The following SYT17 variants were observed in gnomAD, a reference collection of about 807,000 sequenced individuals.
SYT17 encodes the protein synaptotagmin-17.
SYT17 carries 22 observed loss-of-function variants against 46.7 expected under a neutral mutation model. The ratio of observed to expected loss-of-function variants is 0.47; its 90% CI spans 0.34 to 0.67. The LOEUF is 0.67. SYT17 is among the 30% of genes least tolerant of loss of function. SYT17 has a pLI of 0.01. For missense variants in SYT17, 519 were observed against 612.8 expected, an observed-to-expected ratio of 0.85 and a Z score of 1.62; for synonymous variants, 251 against 248.4, an observed-to-expected ratio of 1.01 and a Z score of -0.10.
chr16:19,232,626 T>C (rs1966742795), intron 7 of SYT17, among the ~76,000 whole-genome samples: 1 of 151,516 alleles, frequency 6.6e-6, no homozygotes, highest in South Asian at 2.1e-4. Flanking sequence ...AGTCCAGGAG[T>C]TTGAGACCAG....
chr16:19,218,597 A>C (rs1220487484), intron 5 of SYT17, among the ~76,000 whole-genome samples: 3 of 152,202 alleles, frequency 2.0e-5, no homozygotes, highest in Non-Finnish European at 2.9e-5. Context: ...AGGTTCGATC[A>C]ATGGCCCCAG....
intron 7 of SYT17, among the ~76,000 whole-genome samples, chr16:19,260,590 G>A (rs1420788457): frequency 1.3e-5 from 2 of 151,322 alleles, no homozygotes; most frequent in Non-Finnish European, 2.9e-5. Flanking sequence ...GTTAATGTTG[G>A]CATGTCTGAC....
At chr16:19,257,862 G>A (rs928318377) in intron 7 of SYT17, among the ~76,000 whole-genome samples, 2 of 152,160 alleles carry the variant, frequency 1.3e-5, no homozygotes, top group African/African-American at 4.8e-5. Context: ...GGAGCAGTGA[G>A]AGCCTAGGGC....
At chr16:19,171,561 G>A (rs546267477) in intron 1 of SYT17, 2 of 152,258 alleles carry the variant, frequency 1.3e-5, no homozygotes, top group South Asian at 2.1e-4. Flanking sequence ...CTGACCTCAG[G>A]TGATCCACCC....
intron 4 of SYT17, among the ~76,000 whole-genome samples, chr16:19,182,202 GC>G (rs1964587092): frequency 6.6e-6 from 1 of 152,096 alleles, no homozygotes; most frequent in Non-Finnish European, 1.5e-5. Flanking sequence ...ATAGCTTGAG[GC>G]CAGGAGTTCA....
intron 7 of SYT17, among the ~76,000 whole-genome samples, chr16:19,240,343 G>A (rs958798874): frequency 3.3e-5 from 5 of 152,064 alleles, no homozygotes; most frequent in East Asian, 1.9e-4. Flanking sequence ...GAGGGGACCC[G>A]TAACAGGTAG....
chr16:19,184,080 T>G lies in SYT17; in HGVS notation c.884T>G (p.Val295Gly). ...SRHCVIGKVS[V>G]PLCEVDLVKG... ...CACTGTGTCATTGGGAAAGTTTCTG[T>G]GCCTTTGTGTGAAGTTGACCTGGTC... Residue 295 changes from valine to glycine, a missense_variant, in exon 5 of 8, where the codon GTG (valine) becomes GGG (glycine). Physicochemically the swap from Val to Gly is moderately radical, Grantham distance 109. Transcript: ENST00000355377. The G allele has an allele frequency of 1.9e-6, 3 of 1,614,242 alleles. No individual in the cohort carries two copies. The highest frequency in any genetic ancestry group is 2.5e-6 in the Non-Finnish European group (3 of 1,180,054).
At chr16:19,217,301 A>G (rs773463431) in intron 5 of SYT17, among the ~76,000 whole-genome samples, 1 of 152,172 alleles carries the variant, frequency 6.6e-6, no homozygotes, top group Non-Finnish European at 1.5e-5. Flanking sequence ...ATGGAATTCC[A>G]TAATTGGAAT....
At chr16:19,231,773 G>A (rs1966701223) in intron 7 of SYT17, among the ~76,000 whole-genome samples, 1 of 152,102 alleles carries the variant, frequency 6.6e-6, no homozygotes, top group South Asian at 2.1e-4. Flanking sequence ...TATGTACCTG[G>A]CACCGTGCTA....
chr16:19,251,091 T>C lies in SYT17; in HGVS notation c.1229-15789T>C, dbSNP rs76280053. On this transcript the variant is annotated intron_variant, in intron 7 of 7. Transcript: ENST00000355377. ...GTGTCACTATACCACAATTTACATA[T>C]CCATTCTAGTAATAGGGTGATTTTT... Among the ~76,000 whole-genome samples, 78 of 152,332 alleles carry C rather than the reference T, an allele frequency of 5.1e-4. 1 individual carries two copies. In the East Asian group the frequency reaches 0.013, roughly 26 times the overall value.
intron 5 of SYT17, among the ~76,000 whole-genome samples, chr16:19,208,111 T>C (rs971681595): frequency 1.3e-5 from 2 of 152,114 alleles, no homozygotes; most frequent in Non-Finnish European, 2.9e-5. Flanking sequence ...GAGGGATGCA[T>C]CCTACCACAT....
intron 5 of SYT17, 64 bp from the exon 6 acceptor site, chr16:19,222,981 G>T (rs893387845): frequency 6.3e-7 from 1 of 1,597,324 alleles, no homozygotes; most frequent in Non-Finnish European, 8.6e-7. Context: ...TCAATTTCTT[G>T]TATGGTGGGT....
chr16:19,267,107 T>TAAG lies in SYT17; in HGVS notation c.*33_*34insGAA, dbSNP rs1969420976. The TAAG allele has an allele frequency of 8.8e-7, 1 of 1,142,040 alleles. No homozygotes were observed. Among genetic ancestry groups the TAAG allele is most frequent in the African/African-American group, 1.7e-5 (1 of 58,470 alleles). The allele number at this position is 1,142,040 out of a possible 1,614,324, so 70.7% of individuals were successfully genotyped here. Reference sequence around the variant, plus strand: ...GCAGGGAAGGCAGCTTTCATTTGTTTAAAAAAAAAAAAAAAAGACGGAAAA... The same window carrying TAAG: ...GCAGGGAAGGCAGCTTTCATTTGTTTAAGAAAAAAAAAAAAAAAAGACGGAAAA... On this transcript the variant is annotated 3_prime_UTR_variant, in exon 8 of 8. Coordinates refer to ENST00000355377, the MANE Select transcript of SYT17 (RefSeq NM_016524.4).
At position 19,184,022 on chromosome 16, in the gene SYT17, C is replaced by T. The variant is rs2142587952; in HGVS notation, c.826C>T (p.Leu276=). 1 of 1,614,092 alleles carries T rather than the reference C, an allele frequency of 6.2e-7. No individual in the cohort carries two copies. The highest frequency in any genetic ancestry group is 8.5e-7 in the Non-Finnish European group (1 of 1,180,018). ...FLEAQRRTLL[L]TVVDFDKFSR... ...GGAGGCCCAGAGGAGGACCCTGCTCCTGACCGTGGTGGATTTTGATAAGTT... is the reference window on the plus strand; with the variant it reads ...GGAGGCCCAGAGGAGGACCCTGCTCTTGACCGTGGTGGATTTTGATAAGTT... The change falls in exon 5 of 8, where the codon CTG becomes TTG. Residue 276 remains leucine, a synonymous_variant. Transcript: ENST00000355377.
chr16:19,207,252 TC>T (rs1965708465), intron 5 of SYT17, among the ~76,000 whole-genome samples: 1 of 152,178 alleles, frequency 6.6e-6, no homozygotes, highest in Non-Finnish European at 1.5e-5. Flanking sequence ...AGCCACTTAA[TC>T]CTCTTTTCTT....
intron 5 of SYT17, among the ~76,000 whole-genome samples, 186 bp from the exon 6 acceptor site, chr16:19,222,859 T>G (rs1262908360): frequency 6.6e-6 from 1 of 152,110 alleles, no homozygotes; most frequent in African/African-American, 2.4e-5. Context: ...CGGAAAAAAC[T>G]CAGAGATAGA....
chr16:19,243,230 G>T (rs1194628921), intron 7 of SYT17, among the ~76,000 whole-genome samples: 2 of 152,216 alleles, frequency 1.3e-5, no homozygotes, highest in Admixed American at 1.3e-4. Context: ...ATGAGCAGAT[G>T]CCTACACTGG....
intron 7 of SYT17, among the ~76,000 whole-genome samples, chr16:19,245,378 T>C (rs1421109149): frequency 6.6e-6 from 1 of 152,118 alleles, no homozygotes; most frequent in Non-Finnish European, 1.5e-5. Flanking sequence ...CAAATACCTA[T>C]GGTGCCAAAG....
intron 7 of SYT17, among the ~76,000 whole-genome samples, chr16:19,248,416 T>C (rs1440244321): frequency 6.6e-6 from 1 of 152,198 alleles, no homozygotes; most frequent in Non-Finnish European, 1.5e-5. Flanking sequence ...AAAAAAGGCA[T>C]GTATGCAGAT....
Sources: gnomAD v4.1 joint callset for allele counts (sites outside exome capture counted in the v4.1 genomes callset) on GRCh38, gnomAD v4.1.1 for gene constraint, MANE v1.5 for transcripts, NCBI Gene and HGNC (gene_info 2026-07-23, HGNC 2026-07-21) for gene names.